Variants in SHISA9 observed in about 807,000 individuals in gnomAD.
SHISA9 encodes protein shisa-9.
A neutral mutation model predicts 38.0 loss-of-function variants in SHISA9; 13 were observed. The observed-to-expected ratio is 0.34, with a 90% CI of 0.22 to 0.54. The LOEUF (loss-of-function observed/expected upper bound fraction) is 0.54, where lower values mean the gene tolerates loss of function less well. Among genes scored for constraint, SHISA9 ranks in the 20% least tolerant of loss-of-function variants. SHISA9 has a pLI of 0.91. For missense variants in SHISA9, 538 were observed against 575.8 expected, an observed-to-expected ratio of 0.93 and a Z score of 0.67; for synonymous variants, 275 against 242.0, an observed-to-expected ratio of 1.14 and a Z score of -1.27.
the SHISA9 span, among the ~76,000 whole-genome samples, chr16:13,530,805 T>C: frequency 6.6e-6 from 1 of 152,156 alleles, no homozygotes; most frequent in Admixed American, 6.5e-5. Context: ...GGTGACCTGA[T>C]TGGTCTGGAG....
At chr16:13,092,044 T>A (rs2073780205) in intron 2 of SHISA9, among the ~76,000 whole-genome samples, 1 of 152,232 alleles carries the variant, frequency 6.6e-6, no homozygotes, top group Admixed American at 6.5e-5. Flanking sequence ...TTAGTTTCCT[T>A]CTAACAGTCA....
the SHISA9 span, among the ~76,000 whole-genome samples, chr16:13,376,173 A>C: frequency 2.0e-5 from 3 of 152,244 alleles, no homozygotes; most frequent in African/African-American, 7.2e-5. Context: ...ATTTTGGTTC[A>C]CATTCCAATG....
At chr16:13,297,745 G>A in the SHISA9 span, among the ~76,000 whole-genome samples, 182 of 152,052 alleles carry the variant, frequency 1.2e-3, no homozygotes, top group African/African-American at 4.3e-3. Flanking sequence ...TTATCAGTGC[G>A]TTCTTTCTTT....
chr16:13,358,901 G>A, the SHISA9 span, among the ~76,000 whole-genome samples: 1 of 152,224 alleles, frequency 6.6e-6, no homozygotes, highest in African/African-American at 2.4e-5. Context: ...CTGCTGGAAT[G>A]AGGAATACAG....
At chr16:13,437,414 C>G in the SHISA9 span, among the ~76,000 whole-genome samples, 1 of 152,054 alleles carries the variant, frequency 6.6e-6, no homozygotes, top group Non-Finnish European at 1.5e-5. Context: ...ATTAATATGC[C>G]CAACCACTCA....
At chr16:13,505,011 C>T in the SHISA9 span, among the ~76,000 whole-genome samples, 3 of 152,148 alleles carry the variant, frequency 2.0e-5, no homozygotes, top group South Asian at 2.1e-4. Flanking sequence ...TCTGTGACTA[C>T]GTGCCAGGAA....
At chr16:13,286,370 A>G in the SHISA9 span, among the ~76,000 whole-genome samples, 1 of 152,114 alleles carries the variant, frequency 6.6e-6, no homozygotes, top group South Asian at 2.1e-4. Context: ...ACAGCTTTAA[A>G]CCCGAAGTCT....
chr16:13,271,346 A>G, the SHISA9 span, among the ~76,000 whole-genome samples: 2 of 152,180 alleles, frequency 1.3e-5, no homozygotes, highest in African/African-American at 4.8e-5. Flanking sequence ...CTCCATCCCC[A>G]AGCCCATTAA....
At chr16:13,115,041 T>G (rs2074018465) in intron 2 of SHISA9, among the ~76,000 whole-genome samples, 1 of 152,158 alleles carries the variant, frequency 6.6e-6, no homozygotes, top group Non-Finnish European at 1.5e-5. Flanking sequence ...TATCTATCTC[T>G]TCATCACCAT....
chr16:13,371,643 G>A, the SHISA9 span, among the ~76,000 whole-genome samples: 10 of 152,208 alleles, frequency 6.6e-5, no homozygotes, highest in East Asian at 3.9e-4. Flanking sequence ...TAAGATTAGC[G>A]ATGTCCCTTC....
the SHISA9 span, among the ~76,000 whole-genome samples, chr16:13,290,569 T>A: frequency 1.3e-5 from 2 of 152,108 alleles, no homozygotes; most frequent in Non-Finnish European, 2.9e-5. Flanking sequence ...GAGCCCTGAA[T>A]CCAACTAAAC....
chr16:12,998,888 A>C (rs2072491044), intron 2 of SHISA9, among the ~76,000 whole-genome samples: 1 of 152,344 alleles, frequency 6.6e-6, no homozygotes, highest in South Asian at 2.1e-4. Context: ...ATATTTTCTA[A>C]GGTCACCACA....
chr16:13,408,625 CTT>C, the SHISA9 span, among the ~76,000 whole-genome samples: 1 of 152,154 alleles, frequency 6.6e-6, no homozygotes, highest in Non-Finnish European at 1.5e-5. Flanking sequence ...TGCCATCAAA[CTT>C]AGGAAAAGCT....
chr16:13,356,685 C>A, the SHISA9 span, among the ~76,000 whole-genome samples: 1 of 151,878 alleles, frequency 6.6e-6, no homozygotes, highest in Non-Finnish European at 1.5e-5. Flanking sequence ...GACTCAGCGA[C>A]GCTTGGGGTT....
chr16:13,106,523 C>T (rs2073926727), intron 2 of SHISA9, among the ~76,000 whole-genome samples: 2 of 152,170 alleles, frequency 1.3e-5, no homozygotes, highest in South Asian at 4.1e-4. Context: ...AGATGTGGTA[C>T]ACATTTTTGT....
At chr16:13,386,682 C>T in the SHISA9 span, among the ~76,000 whole-genome samples, 9 of 152,206 alleles carry the variant, frequency 5.9e-5, no homozygotes, top group East Asian at 7.7e-4. Flanking sequence ...TTTATACAAA[C>T]GATGTTATGC....
chr16:13,224,870 G>C (rs1016624019), intron 4 of SHISA9, among the ~76,000 whole-genome samples: 14 of 152,136 alleles, frequency 9.2e-5, no homozygotes, highest in Admixed American at 4.6e-4. Context: ...ATGTCCAAAG[G>C]TCCTGAGATG....
At chr16:12,935,937 G>T (rs749046351) in intron 2 of SHISA9, among the ~76,000 whole-genome samples, 1 of 151,900 alleles carries the variant, frequency 6.6e-6, no homozygotes. Context: ...GGCCAGGAGG[G>T]AACGTGTTCT....
chr16:12,951,250 GGCAAAAAA>G (rs1371212616), intron 2 of SHISA9, among the ~76,000 whole-genome samples: 3 of 121,186 alleles, frequency 2.5e-5, no homozygotes, highest in Admixed American at 8.3e-5. Flanking sequence ...AAAAAAAAAA[GGCAAAAAA>G]GCAAAAAAAA....
Sources: gnomAD v4.1 joint callset for allele counts (sites outside exome capture counted in the v4.1 genomes callset) on GRCh38, gnomAD v4.1.1 for gene constraint, MANE v1.5 for transcripts, NCBI Gene and HGNC (gene_info 2026-07-23, HGNC 2026-07-21) for gene names.